The following UBA5 variants were observed in gnomAD, a reference collection of about 807,000 sequenced individuals.
UBA5 encodes the protein ubiquitin like modifier activating enzyme 5.
In UBA5, 28 loss-of-function variants were observed where a neutral mutation model predicts 52.9. The observed-to-expected ratio is 0.53, with a 90% CI of 0.39 to 0.73. The LOEUF (loss-of-function observed/expected upper bound fraction) is 0.73. UBA5 is among the 30% of genes least tolerant of loss of function. UBA5 has a pLI of 0.00. For missense variants in UBA5, 388 were observed against 492.7 expected (o/e 0.79, Z 2.01); for synonymous variants, 135 against 162.1 (o/e 0.83, Z 1.27).
intron 1 of UBA5, among the ~76,000 whole-genome samples, chr3:132,664,865 C>T (rs1166289051): frequency 2.6e-5 from 4 of 152,018 alleles, no homozygotes; most frequent in African/African-American, 9.7e-5. Context: ...GATAGAATAC[C>T]TCATGAATAT....
In UBA5 at chr3:132,660,977, G is replaced by T; in HGVS notation, c.161+279G>T. 1 of 1,476,632 alleles carries T rather than the reference G, an allele frequency of 6.8e-7. No individual in the cohort carries two copies. The highest frequency in any genetic ancestry group is 2.8e-5 in the East Asian group (1 of 35,360). 91.5% of individuals were successfully genotyped at this position (1,476,632 alleles called of 1,614,324 possible). ...TCCTATCACCCTTGCCTCTTAATTA[G>T]TCCGCCTCGCTGTGTATAAGACTGA... On this transcript the variant is annotated intron_variant, in intron 1 of 11. Transcript: ENST00000356232. This position sits in a 1 kb window ranked among gnomAD's most constrained non-coding sequence, Gnocchi z 4.1.
At chr3:132,660,269 C>G, upstream of UBA5, 1 of 564,424 alleles carries the variant, frequency 1.8e-6, no homozygotes, top group Non-Finnish European at 3.2e-6. This position sits in a 1 kb window ranked among gnomAD's most constrained non-coding sequence, Gnocchi z 4.1. Context: ...TTTAGCCGGC[C>G]CAGCGAGGAA....
intron 1 of UBA5, among the ~76,000 whole-genome samples, chr3:132,665,054 A>G (rs546118444): frequency 6.6e-6 from 1 of 152,112 alleles, no homozygotes; most frequent in East Asian, 1.9e-4. Flanking sequence ...ACATCTAACC[A>G]AGATGACTAT....
At position 132,677,099 on chromosome 3, in the gene UBA5, A is replaced by G. The variant is rs139173920; in HGVS notation, c.*573A>G. The G allele has an allele frequency of 7.9e-4, 208 of 261,804 alleles. 1 individual carries two copies. Among genetic ancestry groups the G allele is most frequent in the African/African-American group, 3.8e-3 (173 of 45,542 alleles). 16.2% of individuals were successfully genotyped at this position (261,804 alleles called of 1,614,324 possible). Reference sequence around the variant, plus strand: ...GTTTGCTGATGAAGTACAAGTTGAAATGTAGTTATTGGAAAAGTCTGTAAC... The same window carrying G: ...GTTTGCTGATGAAGTACAAGTTGAAGTGTAGTTATTGGAAAAGTCTGTAAC... On this transcript the variant is annotated 3_prime_UTR_variant, in exon 12 of 12. Coordinates refer to ENST00000356232, the MANE Select transcript of UBA5 (RefSeq NM_024818.6).
At chr3:132,674,574 C>G (rs1159872452) in intron 8 of UBA5, among the ~76,000 whole-genome samples, 1 of 152,028 alleles carries the variant, frequency 6.6e-6, no homozygotes, top group South Asian at 2.1e-4. Flanking sequence ...TGCCTGTAGT[C>G]GCAGCTACTT....
chr3:132,670,882 A>G (rs1273553852), intron 5 of UBA5, 83 bp from the exon 6 acceptor site: 4 of 810,646 alleles, frequency 4.9e-6, no homozygotes, highest in Admixed American at 2.3e-5. Flanking sequence ...TGAAAGAATA[A>G]GTGTTGGACT....
In UBA5 at chr3:132,677,322, A is replaced by G. The variant is rs1419824429; in HGVS notation, c.*796A>G. On this transcript the variant is annotated 3_prime_UTR_variant, in exon 12 of 12. Coordinates refer to ENST00000356232, the MANE Select transcript of UBA5 (RefSeq NM_024818.6). ...AAGGCATAAATTTAGACTAAAATCC[A>G]TCCAGATTACACTCATTCTTTAGGC... is the stretch of plus-strand genomic sequence containing the variant. 1.3e-5 allele frequency: 2 copies of G among 157,628 alleles called. No homozygotes were observed. Among genetic ancestry groups the G allele is most frequent in the Admixed American group, 1.2e-4 (2 of 16,360 alleles). The allele number at this position is 157,628 out of a possible 1,614,324, so 9.8% of individuals were successfully genotyped here. A position where few individuals can be genotyped will look rare whatever the true frequency, so the allele number is the denominator to read the frequency against.
upstream of UBA5, among the ~76,000 whole-genome samples, chr3:132,658,660 A>G (rs1198556502): frequency 6.6e-6 from 1 of 152,128 alleles, no homozygotes; most frequent in Admixed American, 6.5e-5. Context: ...TCCAATATCT[A>G]TTGGGACATG....
chr3:132,664,436 C>CAAAATTTG (rs1938288164), intron 1 of UBA5, among the ~76,000 whole-genome samples: 3 of 152,082 alleles, frequency 2.0e-5, no homozygotes, highest in Non-Finnish European at 2.9e-5. Flanking sequence ...TTTACCTTTG[C>CAAAATTTG]CGTACCCTTT....
At chr3:132,657,847 A>T (rs1937888500), upstream of UBA5, among the ~76,000 whole-genome samples, 2 of 149,128 alleles carry the variant, frequency 1.3e-5, no homozygotes, top group South Asian at 4.3e-4. Flanking sequence ...AACTTTTGGT[A>T]TTAAAAAAAC....
upstream of UBA5, among the ~76,000 whole-genome samples, chr3:132,658,374 C>T (rs1205290049): frequency 6.6e-6 from 1 of 152,144 alleles, no homozygotes; most frequent in African/African-American, 2.4e-5. Context: ...TAATTTACAA[C>T]TAATTTCATT....
In UBA5 at chr3:132,677,339, T is replaced by G. The variant is rs1938882343; in HGVS notation, c.*813T>G. ...TAAAATCCATCCAGATTACACTCAT[T>G]CTTTAGGCTACTCCTGGATACTTCA... On this transcript the variant is annotated 3_prime_UTR_variant, in exon 12 of 12. Transcript: ENST00000356232. The G allele has an allele frequency of 6.4e-6, 1 of 156,170 alleles. No individual in the cohort carries two copies. Among genetic ancestry groups the G allele is most frequent in the African/African-American group, 2.4e-5 (1 of 41,472 alleles). 9.7% of individuals were successfully genotyped at this position (156,170 alleles called of 1,614,324 possible). A position where few individuals can be genotyped will look rare whatever the true frequency, so the allele number is the denominator to read the frequency against.
At chr3:132,662,865 G>A (rs2107926887) in intron 1 of UBA5, among the ~76,000 whole-genome samples, 1 of 152,300 alleles carries the variant, frequency 6.6e-6, no homozygotes, top group African/African-American at 2.4e-5. Context: ...ATCTGTAAAA[G>A]GGGGTTGCCA....
In UBA5 at chr3:132,661,945, G is replaced by A. The variant is rs1938187233; in HGVS notation, c.161+1247G>A. 2.0e-5 allele frequency among the ~76,000 whole-genome samples: 3 copies of A among 152,200 alleles called. 1 individual carries two copies. In the South Asian group the frequency reaches 6.2e-4, roughly 32 times the overall value. On this transcript the variant is annotated intron_variant, in intron 1 of 11. Coordinates refer to ENST00000356232, the MANE Select transcript of UBA5 (RefSeq NM_024818.6). ...GAATTTTTAGAGATTAAATAAGCAT[G>A]AACTGACATCTCTAATCAGAATAAG...
At chr3:132,669,068 A>T (rs1271590485) in intron 4 of UBA5, 141 bp downstream of exon 4, 1 of 570,382 alleles carries the variant, frequency 1.8e-6, no homozygotes, top group African/African-American at 1.9e-5. Context: ...CCTGTTGGAC[A>T]TGGGTTGGCA....
At chr3:132,668,580 AGAT>A (rs1201366523) in intron 3 of UBA5, 5 of 269,572 alleles carry the variant, frequency 1.9e-5, no homozygotes, top group African/African-American at 2.2e-5. Context: ...ACTTCATATT[AGAT>A]GAGTGGCCTT....
rs781682144 is a variant in UBA5, at chr3:132,665,803, A to T, written c.162-20A>T. 3 of 1,611,470 alleles carry T rather than the reference A, an allele frequency of 1.9e-6. No individual in the cohort carries two copies. Among genetic ancestry groups the T allele is most frequent in the Non-Finnish European group, 2.5e-6 (3 of 1,178,446 alleles). ...CCTAAAAGACTGTAAGCTTTAAAAC[A>T]TATTTTTCTTTGTTTTAAGCCGCTT... On this transcript the variant is annotated intron_variant, in intron 1 of 11. Transcript: ENST00000356232.
In UBA5 at chr3:132,678,365, G is replaced by A. The variant is rs954598954; in HGVS notation, c.*1839G>A. Among the ~76,000 whole-genome samples, 4 of 152,136 alleles carry A rather than the reference G, an allele frequency of 2.6e-5. No homozygotes were observed. Among genetic ancestry groups the A allele is most frequent in the African/African-American group, 9.7e-5 (4 of 41,414 alleles). On this transcript the variant is annotated 3_prime_UTR_variant, in exon 12 of 12. Coordinates refer to ENST00000356232, the MANE Select transcript of UBA5 (RefSeq NM_024818.6). Reference sequence around the variant, plus strand: ...GAAAAATTAATCATCATTGAATTTAGTATTACTAAACTCATAGCATTTGTC... The same window carrying A: ...GAAAAATTAATCATCATTGAATTTAATATTACTAAACTCATAGCATTTGTC...
At chr3:132,666,270 G>A in intron 3 of UBA5, 197 bp downstream of exon 3, 1 of 523,940 alleles carries the variant, frequency 1.9e-6, no homozygotes, top group Admixed American at 3.4e-5. Context: ...GTCTAATTGT[G>A]TTTAGAAACG....
Sources: allele counts gnomAD v4.1 joint callset (sites outside exome capture counted in the v4.1 genomes callset), GRCh38; gene constraint gnomAD v4.1.1; non-coding constraint Gnocchi (gnomAD v3.1); transcripts MANE v1.5; gene names NCBI Gene and HGNC (gene_info 2026-07-23, HGNC 2026-07-21).